COX7B2: variants seen among roughly 807,000 people sequenced by gnomAD.
COX7B2 encodes the protein cytochrome c oxidase subunit 7B2, mitochondrial.
For synonymous variants in COX7B2, 37 were observed against 32.1 expected, an observed-to-expected ratio of 1.15 and a Z score of -0.51; for missense variants, 109 against 95.9, an observed-to-expected ratio of 1.14 and a Z score of -0.57.
At chr4:46,830,542 TA>T (rs1006775257) in intron 2 of COX7B2, among the ~76,000 whole-genome samples, 25 of 152,178 alleles carry the variant, frequency 1.6e-4, no homozygotes, top group African/African-American at 6.0e-4. Context: ...AGATTAGGTC[TA>T]AAAAAACATA....
chr4:46,875,338 C>T (rs1718254962), intron 1 of COX7B2, among the ~76,000 whole-genome samples: 1 of 152,270 alleles, frequency 6.6e-6, no homozygotes, highest in Non-Finnish European at 1.5e-5. Flanking sequence ...TGCCCAGTAG[C>T]TTCTGGAGCC....
chr4:46,811,889 T>C (rs1202048059), intron 2 of COX7B2, among the ~76,000 whole-genome samples: 1 of 152,172 alleles, frequency 6.6e-6, no homozygotes, highest in Non-Finnish European at 1.5e-5. Flanking sequence ...GTGATCAATG[T>C]TAGTGATGAC....
chr4:46,785,497 C>A (rs182693998), intron 2 of COX7B2, among the ~76,000 whole-genome samples: 3 of 151,874 alleles, frequency 2.0e-5, no homozygotes, highest in Non-Finnish European at 4.4e-5. Context: ...CTCAGCCTCC[C>A]GAGTAGCTGG....
chr4:46,884,567 A>G (rs1186167163), intron 1 of COX7B2, among the ~76,000 whole-genome samples: 6 of 152,114 alleles, frequency 3.9e-5, no homozygotes, highest in African/African-American at 1.4e-4. Context: ...TTTATCCATG[A>G]TTGTTTCCCC....
intron 2 of COX7B2, among the ~76,000 whole-genome samples, chr4:46,834,742 A>C (rs1473693066): frequency 6.6e-6 from 1 of 152,118 alleles, no homozygotes; most frequent in Non-Finnish European, 1.5e-5. Flanking sequence ...GCATAATATT[A>C]CTAAAAGAAA....
chr4:46,763,640 A>G lies in COX7B2; in HGVS notation c.-49-28399T>C, dbSNP rs954967961. Among the ~76,000 whole-genome samples, 38 of 152,102 alleles carry G rather than the reference A, an allele frequency of 2.5e-4. 1 individual carries two copies. Among genetic ancestry groups the G allele is most frequent in the Admixed American group, 2.5e-3 (38 of 15,276 alleles). On this transcript the variant is annotated intron_variant, in intron 2 of 2. Transcript: ENST00000355591. ...GCCAAATGGATTATACACTTTATGA[A>G]CTTACAAATGAAGAGATCCAGCAAG...
chr4:46,849,359 T>G (rs1365164642), intron 1 of COX7B2, among the ~76,000 whole-genome samples: 2 of 152,138 alleles, frequency 1.3e-5, no homozygotes, highest in Non-Finnish European at 2.9e-5. Flanking sequence ...TAAGATTAGA[T>G]CATGGCATGG....
intron 1 of COX7B2, among the ~76,000 whole-genome samples, chr4:46,875,458 C>T (rs967069295): frequency 1.3e-5 from 2 of 152,142 alleles, no homozygotes; most frequent in African/African-American, 4.8e-5. Context: ...CAATTCTGAA[C>T]AATTTCAGCT....
At chr4:46,797,566 A>G (rs1718430127) in intron 2 of COX7B2, among the ~76,000 whole-genome samples, 3 of 152,164 alleles carry the variant, frequency 2.0e-5, no homozygotes, top group Admixed American at 2.0e-4. Context: ...AAGCCACTAG[A>G]ATTCCCTCTG....
intron 1 of COX7B2, among the ~76,000 whole-genome samples, chr4:46,865,507 T>C (rs543625566): frequency 2.6e-5 from 4 of 152,338 alleles, no homozygotes; most frequent in African/African-American, 9.6e-5. Context: ...GGTACAGAGA[T>C]GTGGTGCTGT....
chr4:46,877,787 T>C (rs62303660), intron 1 of COX7B2, among the ~76,000 whole-genome samples: 16,027 of 152,168 alleles, frequency 0.11, 1,099 homozygotes, highest in South Asian at 0.18. Flanking sequence ...TGTGGGAATG[T>C]AAATTGATAC....
intron 2 of COX7B2, among the ~76,000 whole-genome samples, chr4:46,752,856 T>A (rs561357188): frequency 7.9e-5 from 12 of 152,326 alleles, no homozygotes; most frequent in African/African-American, 2.9e-4. Context: ...TCGATGTTCA[T>A]CAGCGATATT....
At chr4:46,748,495 G>A (rs1715157290) in intron 2 of COX7B2, among the ~76,000 whole-genome samples, 1 of 152,056 alleles carries the variant, frequency 6.6e-6, no homozygotes, top group Admixed American at 6.6e-5. Context: ...AGGAATCCAG[G>A]TTCAGACAAC....
chr4:46,906,850 C>A (rs1397991837), intron 1 of COX7B2, among the ~76,000 whole-genome samples: 2 of 152,198 alleles, frequency 1.3e-5, no homozygotes, highest in Non-Finnish European at 2.9e-5. Context: ...CTGGCTCATT[C>A]CAATATGCCC....
intron 2 of COX7B2, among the ~76,000 whole-genome samples, chr4:46,836,036 A>C (rs750988752): frequency 2.6e-5 from 4 of 152,158 alleles, no homozygotes; most frequent in African/African-American, 7.2e-5. Flanking sequence ...TAGGGCACTT[A>C]TGAATGGAGC....
intron 2 of COX7B2, among the ~76,000 whole-genome samples, chr4:46,760,840 G>C (rs1716106179): frequency 6.6e-6 from 1 of 152,028 alleles, no homozygotes. Flanking sequence ...TGAACAAGAA[G>C]ATAAATCTTA....
chr4:46,792,685 C>A (rs1298166610), intron 2 of COX7B2, among the ~76,000 whole-genome samples: 1 of 152,138 alleles, frequency 6.6e-6, no homozygotes, highest in Non-Finnish European at 1.5e-5. Flanking sequence ...CCTCCAAAGT[C>A]ATGTGAGACA....
intron 1 of COX7B2, among the ~76,000 whole-genome samples, chr4:46,904,924 G>T (rs996474193): frequency 6.6e-6 from 1 of 152,150 alleles, no homozygotes; most frequent in South Asian, 2.1e-4. Flanking sequence ...AACACATTAG[G>T]TATGCATAGT....
Position 46,793,275 on chromosome 4 carries a change from G to C in COX7B2, c.-50+51685C>G, listed in dbSNP as rs146375332. ...TCCAGCCAGAGGGGGGTTATCTCCA[G>C]ACTGGTATCTTCCCGGCTGGATGGG... On this transcript the variant is annotated intron_variant, in intron 2 of 2. Coordinates refer to ENST00000355591, the MANE Select transcript of COX7B2 (RefSeq NM_130902.3). 1.1e-4 allele frequency among the ~76,000 whole-genome samples: 16 copies of C among 152,046 alleles called. No homozygotes were observed. The East Asian group carries it at 2.3e-3, about 22-fold the overall frequency.
Sources: allele counts gnomAD v4.1 joint callset (sites outside exome capture counted in the v4.1 genomes callset), GRCh38; gene constraint gnomAD v4.1.1; transcripts MANE v1.5; gene names NCBI Gene and HGNC (gene_info 2026-07-23, HGNC 2026-07-21).